Variants in PSD2 observed in about 807,000 individuals in gnomAD.
PSD2 encodes the protein pleckstrin and Sec7 domain containing 2.
PSD2 carries 38 observed loss-of-function variants against 69.8 expected under a neutral mutation model. The ratio of observed to expected loss-of-function variants is 0.54; its 90% confidence interval spans 0.42 to 0.71. The LOEUF (loss-of-function observed/expected upper bound fraction) is 0.71. Among genes scored for constraint, PSD2 ranks in the 30% least tolerant of loss-of-function variants. The probability of loss-of-function intolerance (pLI) is 0.00; values close to 1 mark genes in which losing one functional copy is unlikely to be tolerated. For missense variants in PSD2, 943 were observed against 1,014.5 expected, an observed-to-expected ratio of 0.93 and a Z score of 0.96; for synonymous variants, 412 against 423.0, an observed-to-expected ratio of 0.97 and a Z score of 0.32.
At chr5:139,762,350 C>T in the PSD2 span, among the ~76,000 whole-genome samples, 15 of 147,072 alleles carry the variant, frequency 1.0e-4, no homozygotes, top group East Asian at 2.9e-3. Flanking sequence ...GTCCTTCATT[C>T]GTTTTTTCTT....
At chr5:139,783,567 C>T in the PSD2 span, among the ~76,000 whole-genome samples, 1 of 152,204 alleles carries the variant, frequency 6.6e-6, no homozygotes, top group Non-Finnish European at 1.5e-5. Flanking sequence ...CAGGTTGTTT[C>T]CACCTCTTGG....
intron 7 of PSD2, among the ~76,000 whole-genome samples, chr5:139,827,882 G>A (rs1760470463): frequency 6.6e-6 from 1 of 152,200 alleles, no homozygotes; most frequent in Non-Finnish European, 1.5e-5. Context: ...TACAATTCGA[G>A]ATGAGATTTG....
At chr5:139,778,398 T>A in the PSD2 span, among the ~76,000 whole-genome samples, 1 of 152,230 alleles carries the variant, frequency 6.6e-6, no homozygotes, top group Admixed American at 6.5e-5. Context: ...CCAGAGGCTC[T>A]GCTTCCTCCT....
At chr5:139,834,657 A>G (rs764526244) in intron 8 of PSD2, among the ~76,000 whole-genome samples, 2 of 152,064 alleles carry the variant, frequency 1.3e-5, no homozygotes, top group African/African-American at 2.4e-5. Flanking sequence ...GGCGTAGTTG[A>G]ATAATGAGTT....
intron 1 of PSD2, among the ~76,000 whole-genome samples, chr5:139,797,505 C>T (rs1419380111): frequency 1.3e-5 from 2 of 152,200 alleles, no homozygotes; most frequent in Non-Finnish European, 2.9e-5. Context: ...TGCAGCTTGT[C>T]CTGGTCTGAC....
the PSD2 span, among the ~76,000 whole-genome samples, chr5:139,749,515 A>C: frequency 6.6e-6 from 1 of 152,344 alleles, no homozygotes; most frequent in Non-Finnish European, 1.5e-5. Context: ...TCCTCCCCAG[A>C]ATCCTGTGTG....
the PSD2 span, among the ~76,000 whole-genome samples, chr5:139,756,619 A>C: frequency 9.2e-5 from 14 of 152,074 alleles, no homozygotes; most frequent in Non-Finnish European, 1.9e-4. Context: ...AGGAGGCAGG[A>C]CTCAGCAGAG....
At chr5:139,834,849 C>T (rs921630846) in intron 8 of PSD2, among the ~76,000 whole-genome samples, 4 of 152,052 alleles carry the variant, frequency 2.6e-5, no homozygotes, top group Non-Finnish European at 5.9e-5. Context: ...TATCTAACCA[C>T]TTCTGCACCC....
the PSD2 span, among the ~76,000 whole-genome samples, chr5:139,748,907 T>TGG: frequency 0.14 from 20,600 of 146,256 alleles, 1,568 homozygotes; most frequent in African/African-American, 0.22. Flanking sequence ...TGGGGTATGT[T>TGG]GGGGGGGGTG....
chr5:139,767,603 C>T, the PSD2 span, among the ~76,000 whole-genome samples: 3 of 152,200 alleles, frequency 2.0e-5, no homozygotes, highest in South Asian at 2.1e-4. Flanking sequence ...ATGTGAGACA[C>T]GGCATCTGGC....
upstream of PSD2, among the ~76,000 whole-genome samples, chr5:139,793,752 G>C (rs545114257): frequency 3.1e-4 from 47 of 152,320 alleles, no homozygotes; most frequent in African/African-American, 1.1e-3. Flanking sequence ...CCATGAGTAA[G>C]TAATCATTAC....
At position 139,836,892 on chromosome 5, in the gene PSD2, C is replaced by G. The variant is rs1401367400; in HGVS notation, c.1485C>G (p.Ile495Met). 6.2e-7 allele frequency: 1 copy of G among 1,614,062 alleles called. No individual in the cohort carries two copies. Among genetic ancestry groups the G allele is most frequent in the Non-Finnish European group, 8.5e-7 (1 of 1,180,026 alleles). Residue 495 changes from isoleucine (I) to methionine (M), a missense_variant, in exon 10 of 15, where the codon ATC (isoleucine) becomes ATG (methionine). Transcript: ENST00000274710. ...CAGGCACGAAGAAGGTGACGCGAAT[C>G]CTGGATGGTGGCAACCCCTTCCTGG... ...FGTGTKKVTRILDGGNPFLDV... is the reference protein window; with the variant it reads ...FGTGTKKVTRMLDGGNPFLDV...
chr5:139,835,600 A>G (rs150526678), intron 8 of PSD2, 123 bp from the exon 9 acceptor site: 9 of 938,394 alleles, frequency 9.6e-6, no homozygotes, highest in African/African-American at 3.2e-5. Context: ...GTATGAATCA[A>G]ACACCCACTT....
intron 3 of PSD2, 59 bp downstream of exon 3, chr5:139,813,817 G>T: frequency 1.4e-6 from 2 of 1,456,806 alleles, no homozygotes; most frequent in East Asian, 2.3e-5. Flanking sequence ...GAGACCCAGA[G>T]GGGGCAAAGC....
At chr5:139,819,412 C>G (rs1760200660) in intron 5 of PSD2, among the ~76,000 whole-genome samples, 1 of 152,214 alleles carries the variant, frequency 6.6e-6, no homozygotes, top group African/African-American at 2.4e-5. Context: ...CAAAATATCC[C>G]TCTACTTCTC....
intron 1 of PSD2, among the ~76,000 whole-genome samples, chr5:139,800,534 C>G (rs1759645759): frequency 6.6e-6 from 1 of 152,246 alleles, no homozygotes; most frequent in Non-Finnish European, 1.5e-5. Context: ...CTTGGCTTCC[C>G]AAAGTGCTGG....
chr5:139,820,196 G>T (rs1260349787), intron 5 of PSD2, among the ~76,000 whole-genome samples: 2 of 152,182 alleles, frequency 1.3e-5, no homozygotes, highest in African/African-American at 2.4e-5. Context: ...CGGGGTTGCG[G>T]CTTGGGGCAG....
At chr5:139,804,542 G>A (rs1172919000) in intron 1 of PSD2, among the ~76,000 whole-genome samples, 1 of 152,140 alleles carries the variant, frequency 6.6e-6, no homozygotes, top group African/African-American at 2.4e-5. Context: ...TGGTGCACGT[G>A]GGGACATGAG....
At position 139,813,537 on chromosome 5, in the gene PSD2, T is replaced by TGGGGACATGGCGTTTGAG. The variant is rs1361687858; in HGVS notation, c.611_628dup (p.Ala204_Met209dup). 128 of 1,610,108 alleles carry TGGGGACATGGCGTTTGAG rather than the reference T, an allele frequency of 7.9e-5. No individual in the cohort carries two copies. Among genetic ancestry groups the TGGGGACATGGCGTTTGAG allele is most frequent in the Non-Finnish European group, 1.1e-4 (126 of 1,176,932 alleles). On this transcript the variant is annotated inframe_insertion, in exon 3 of 15. Coordinates refer to ENST00000274710, the MANE Select transcript of PSD2 (RefSeq NM_032289.4). ...CTGAGCCAGGGGCTGGGTTGGGCAT[T>TGGGGACATGGCGTTTGAG]GGGGACATGGCGTTTGAGGGGGACA... is the stretch of plus-strand genomic sequence containing the variant.
Sources: allele counts gnomAD v4.1 joint callset (sites outside exome capture counted in the v4.1 genomes callset), GRCh38; gene constraint gnomAD v4.1.1; transcripts MANE v1.5; gene names NCBI Gene and HGNC (gene_info 2026-07-23, HGNC 2026-07-21).